Variants in POLQ observed in about 807,000 individuals in gnomAD.
POLQ encodes DNA polymerase theta.
A neutral mutation model predicts 259.2 loss-of-function variants in POLQ; 233 were observed. The observed-to-expected ratio is 0.90, with a 90% CI of 0.81 to 1.00. The LOEUF (loss-of-function observed/expected upper bound fraction) is 1.00, where lower values mean the gene tolerates loss of function less well. Ranked by LOEUF, POLQ falls within the 50% of genes least tolerant of loss-of-function variation. The pLI is 0.00. For synonymous variants in POLQ, 1,025 were observed against 1,048.8 expected (o/e 0.98, Z 0.44); for missense variants, 2,871 against 3,051.6 (o/e 0.94, Z 1.39).
intron 14 of POLQ, chr3:121,494,272 G>A: frequency 1.3e-6 from 2 of 1,595,184 alleles, no homozygotes; most frequent in African/African-American, 1.3e-5. Flanking sequence ...CCCGCTTTGT[G>A]AAACGGCCCC....
intron 3 of POLQ, among the ~76,000 whole-genome samples, chr3:121,539,987 T>G (rs993475969): frequency 1.3e-5 from 2 of 152,102 alleles, no homozygotes; most frequent in African/African-American, 4.8e-5. Context: ...ATTATCCTAC[T>G]AATGACCAAT....
In POLQ at chr3:121,472,138, T is replaced by A. The variant is rs1190298067; in HGVS notation, c.6570A>T (p.Leu2190Phe). The A allele has an allele frequency of 6.6e-7, 1 of 1,513,126 alleles. No homozygotes were observed. Among genetic ancestry groups the A allele is most frequent in the Non-Finnish European group, 9.0e-7 (1 of 1,111,446 alleles). 93.7% of individuals were successfully genotyped at this position (1,513,126 alleles called of 1,614,324 possible). A position where few individuals can be genotyped will look rare whatever the true frequency, so the allele number is the denominator to read the frequency against. ...CTAATATCAAGCCTGGTAAAGGATG[T>A]AATGCCTTTAATTTATTTAAAACGT... The part of the protein sequence containing the change: ...SKDVLNKLKA[L>F]HPLPGLILEW... The change falls in exon 22 of 30, where the codon TTA becomes TTT. Residue 2190 changes from leucine (L) to phenylalanine (F), a missense_variant. Physicochemically the swap from Leu to Phe is conservative, Grantham distance 22. Around this residue, in one of 3 missense-constraint regions of POLQ, gnomAD observed 2,080 missense variants for 2,126.0 expected, o/e 0.98. Transcript: ENST00000264233.
At chr3:121,456,579 T>G (rs889879993) in intron 25 of POLQ, among the ~76,000 whole-genome samples, 2 of 152,058 alleles carry the variant, frequency 1.3e-5, no homozygotes, top group African/African-American at 4.8e-5. Context: ...AGCATTCTTA[T>G]ACACCAATAA....
At chr3:121,540,539 A>T (rs2108821777) in intron 3 of POLQ, among the ~76,000 whole-genome samples, 1 of 152,362 alleles carries the variant, frequency 6.6e-6, no homozygotes, top group South Asian at 2.1e-4. Flanking sequence ...ATTGATGTAA[A>T]CTACTATTAG....
At chr3:121,494,184 G>C in intron 14 of POLQ, 1 of 1,185,258 alleles carries the variant, frequency 8.4e-7, no homozygotes, top group African/African-American at 1.5e-5. Flanking sequence ...AGGAGGCTAA[G>C]AAAGTGGTGA....
chr3:121,480,286 G>A (rs932351256), intron 19 of POLQ, among the ~76,000 whole-genome samples: 70 of 151,978 alleles, frequency 4.6e-4, no homozygotes, highest in Middle Eastern at 3.2e-3. Context: ...TGTCAGATGA[G>A]AATACCTCCT....
chr3:121,531,339 G>C lies in POLQ; in HGVS notation c.961-1547C>G, dbSNP rs186569038. Among the ~76,000 whole-genome samples the C allele has an allele frequency of 3.3e-5, 5 of 152,242 alleles. No individual in the cohort carries two copies. The East Asian group carries it at 9.6e-4, about 29-fold the overall frequency. ...TGAGTAAAAAAGTCCAAAGGTGAAA[G>C]AGTAAACCACACTGATGGCCCTAAG... On this transcript the variant is annotated intron_variant, in intron 6 of 29. Transcript: ENST00000264233.
At chr3:121,446,483 T>C (rs560145200) in intron 26 of POLQ, among the ~76,000 whole-genome samples, 187 of 152,340 alleles carry the variant, frequency 1.2e-3, no homozygotes, top group Middle Eastern at 6.8e-3. Context: ...AATTTCTTTG[T>C]TGATTTTCTG....
intron 14 of POLQ, among the ~76,000 whole-genome samples, chr3:121,495,918 G>A (rs185987013): frequency 2.5e-4 from 37 of 145,626 alleles, no homozygotes; most frequent in African/African-American, 7.1e-4. Context: ...CATCTTCCCC[G>A]CAGTACTCCC....
chr3:121,543,385 C>G (rs1056490875), intron 2 of POLQ, among the ~76,000 whole-genome samples: 50 of 152,308 alleles, frequency 3.3e-4, no homozygotes, highest in Non-Finnish European at 1.2e-4. Flanking sequence ...TTAATCAACT[C>G]TAAGTACTAC....
chr3:121,466,039 C>T (rs2047832671), intron 24 of POLQ, among the ~76,000 whole-genome samples: 1 of 152,062 alleles, frequency 6.6e-6, no homozygotes, highest in African/African-American at 2.4e-5. Flanking sequence ...AGGAAAAGTT[C>T]TTGAAGGAAA....
At chr3:121,534,208 T>C (rs990914122) in intron 5 of POLQ, among the ~76,000 whole-genome samples, 1 of 152,032 alleles carries the variant, frequency 6.6e-6, no homozygotes, top group African/African-American at 2.4e-5. Context: ...TTTTTGTCCA[T>C]TGATATAGTG....
chr3:121,473,899 G>T (rs995633533), intron 20 of POLQ, among the ~76,000 whole-genome samples: 1 of 151,830 alleles, frequency 6.6e-6, no homozygotes, highest in African/African-American at 2.4e-5. Flanking sequence ...CCTAATTTTT[G>T]TATCTTTGGT....
rs143030047 is a variant in POLQ at position 121,507,267 on chromosome 3, A to G, written c.1959+2294T>C. Among the ~76,000 whole-genome samples the G allele has an allele frequency of 5.4e-3, 820 of 152,364 alleles. 12 individuals are homozygous for G. The highest frequency in any genetic ancestry group is 0.019 in the African/African-American group (786 of 41,576). ...ATGCAAACACTAAATGTTTTGTCTA[A>G]CTTAAAACATAAATGTATTTTAATT... On this transcript the variant is annotated intron_variant, in intron 12 of 29. Transcript: ENST00000264233.
chr3:121,452,656 G>T (rs2047688973), intron 25 of POLQ, among the ~76,000 whole-genome samples: 2 of 152,052 alleles, frequency 1.3e-5, no homozygotes, highest in African/African-American at 4.8e-5. Context: ...GTCTCCGGCG[G>T]ATAAGTGTGT....
At position 121,436,127 on chromosome 3, in the gene POLQ, T is replaced by C. The variant is rs1381057; in HGVS notation, c.7538A>G (p.Gln2513Arg). The C allele has an allele frequency of 0.71, 1,137,267 of 1,610,942 alleles. 403,900 individuals are homozygous for C. The highest frequency in any genetic ancestry group is 0.89 in the East Asian group (40,041 of 44,868). ...GHREGMLQSD[Q>R]TGLSRKRKLQ... The stretch of plus-strand genomic sequence containing the variant: ...GGCCTCATCTATGAACAAACCTGTT[T>C]GGTCACTTTGGAGCATACCCTCTCG... Residue 2513 changes from glutamine to arginine, a missense_variant, in exon 28 of 30, where the codon CAA (glutamine) becomes CGA (arginine). By Grantham distance (43) the Gln-to-Arg change is conservative (BLOSUM62 1). This residue lies in a region of POLQ where 2,080 missense variants were observed against 2,126.0 expected (regional missense o/e 0.98). Transcript: ENST00000264233.
At chr3:121,494,562 C>T in intron 14 of POLQ, 1 of 1,582,026 alleles carries the variant, frequency 6.3e-7, no homozygotes, top group Non-Finnish European at 8.6e-7. Context: ...AACAAGAAAG[C>T]TCAGCTGGTG....
chr3:121,437,513 C>T (rs546888204), intron 27 of POLQ, among the ~76,000 whole-genome samples: 97 of 152,174 alleles, frequency 6.4e-4, no homozygotes, highest in Non-Finnish European at 1.2e-3. Context: ...TTTATACCCA[C>T]CAGAATAGCT....
Position 121,472,061 on chromosome 3 carries a change from C to T in POLQ, c.6647G>A (p.Arg2216Gln), listed in dbSNP as rs761785396. 12 of 1,587,770 alleles carry T rather than the reference C, an allele frequency of 7.6e-6. No homozygotes were observed. Among genetic ancestry groups the T allele is most frequent in the Middle Eastern group, 1.7e-4 (1 of 5,976 alleles). Residue 2216 changes from arginine (R) to glutamine (Q), a missense_variant, in exon 22 of 30, where the codon CGG (arginine) becomes CAG (glutamine). By Grantham distance (43) the Arg-to-Gln change is conservative. Transcript: ENST00000264233. ...AAGAAAAGGATTAAGACACTTTTCCCGCTGAAGGGGAAAGACCACTTTGGT... is the reference window on the plus strand; with the variant it reads ...AAGAAAAGGATTAAGACACTTTTCCTGCTGAAGGGGAAAGACCACTTTGGT... The part of the protein sequence containing the change: ...AITKVVFPLQ[R>Q]EKCLNPFLGM...
Sources: allele counts gnomAD v4.1 joint callset (sites outside exome capture counted in the v4.1 genomes callset), GRCh38; gene constraint gnomAD v4.1.1; regional missense constraint gnomAD v4.1.1; transcripts MANE v1.5; gene names NCBI Gene and HGNC (gene_info 2026-07-23, HGNC 2026-07-21).